Variants in STXBP5L observed in about 807,000 individuals in gnomAD.
STXBP5L encodes the protein syntaxin binding protein 5L.
A neutral mutation model predicts 144.5 loss-of-function variants in STXBP5L; 65 were observed. That is an observed-to-expected ratio of 0.45 (90% CI 0.37 to 0.55). STXBP5L has a LOEUF of 0.55. STXBP5L is among the 20% of genes least tolerant of loss of function. STXBP5L has a pLI of 0.00. For synonymous variants in STXBP5L, 505 were observed against 469.6 expected (o/e 1.08, Z -0.97); for missense variants, 1,298 against 1,405.5 (o/e 0.92, Z 1.22).
At chr3:121,322,804 T>C (rs2044019182) in intron 20 of STXBP5L, among the ~76,000 whole-genome samples, 1 of 152,198 alleles carries the variant, frequency 6.6e-6, no homozygotes, top group Admixed American at 6.5e-5. Flanking sequence ...TAATTTACAT[T>C]CCCATCAACA....
chr3:121,338,201 A>G (rs546403823), intron 20 of STXBP5L, among the ~76,000 whole-genome samples: 1 of 152,300 alleles, frequency 6.6e-6, no homozygotes, highest in Non-Finnish European at 1.5e-5. Flanking sequence ...GAAATTATAA[A>G]GATCAGAGCA....
At chr3:121,202,753 G>A (rs2048185307) in intron 9 of STXBP5L, among the ~76,000 whole-genome samples, 1 of 151,554 alleles carries the variant, frequency 6.6e-6, no homozygotes, top group Non-Finnish European at 1.5e-5. Flanking sequence ...AGCCTCCATT[G>A]TTTCTAAAAG....
intron 20 of STXBP5L, among the ~76,000 whole-genome samples, chr3:121,342,475 C>A (rs530052530): frequency 1.2e-3 from 189 of 151,328 alleles, no homozygotes; most frequent in Non-Finnish European, 2.4e-3. Flanking sequence ...TTAGGTATAT[C>A]TCCCACAGCT....
intron 9 of STXBP5L, among the ~76,000 whole-genome samples, chr3:121,192,520 C>T (rs1577172042): frequency 6.6e-6 from 1 of 152,168 alleles, no homozygotes; most frequent in Admixed American, 6.5e-5. Context: ...CCAAGACAAT[C>T]CAAAGCCAAA....
intron 9 of STXBP5L, among the ~76,000 whole-genome samples, chr3:121,191,533 GGGGAGAGGGAGA>G (rs139815854): frequency 0.012 from 1,855 of 152,184 alleles, 32 homozygotes; most frequent in African/African-American, 0.042. Flanking sequence ...ACTGTGCAAA[GGGGAGAGGGAGA>G]GGGAGAGGGA....
chr3:121,253,289 C>G (rs2050086484), intron 15 of STXBP5L, among the ~76,000 whole-genome samples: 1 of 151,588 alleles, frequency 6.6e-6, no homozygotes, highest in Admixed American at 6.6e-5. Flanking sequence ...TGGTTTATAC[C>G]TCTCAACCAG....
At chr3:121,316,182 G>A (rs2043782156) in intron 19 of STXBP5L, among the ~76,000 whole-genome samples, 1 of 152,066 alleles carries the variant, frequency 6.6e-6, no homozygotes, top group Non-Finnish European at 1.5e-5. Flanking sequence ...ATTTAATGAT[G>A]ATAATTATAA....
At chr3:120,935,367 T>C (rs1710208460) in intron 2 of STXBP5L, among the ~76,000 whole-genome samples, 1 of 151,966 alleles carries the variant, frequency 6.6e-6, no homozygotes, top group South Asian at 2.1e-4. Flanking sequence ...AAGTACATTG[T>C]TGCTATTACT....
chr3:121,302,862 C>T (rs1024443214), intron 19 of STXBP5L, among the ~76,000 whole-genome samples: 3 of 152,142 alleles, frequency 2.0e-5, no homozygotes, highest in African/African-American at 7.2e-5. Context: ...CTTCCTTACA[C>T]CTTATACAAA....
At chr3:121,064,074 A>T (rs1343550903) in intron 5 of STXBP5L, among the ~76,000 whole-genome samples, 1 of 152,100 alleles carries the variant, frequency 6.6e-6, no homozygotes, top group African/African-American at 2.4e-5. Context: ...TGTCTGCTCA[A>T]ATGGCTGCCA....
At chr3:121,166,138 C>T (rs1308133941) in intron 9 of STXBP5L, among the ~76,000 whole-genome samples, 1 of 152,030 alleles carries the variant, frequency 6.6e-6, no homozygotes, top group African/African-American at 2.4e-5. Flanking sequence ...TCCTGAGTAG[C>T]TGGGACTACA....
chr3:121,276,273 C>G (rs1387954815), intron 18 of STXBP5L, among the ~76,000 whole-genome samples: 1 of 151,852 alleles, frequency 6.6e-6, no homozygotes, highest in Non-Finnish European at 1.5e-5. Context: ...ATTTTAATAA[C>G]TTTACAACAG....
At chr3:121,273,436 A>AT (rs968142474) in intron 18 of STXBP5L, among the ~76,000 whole-genome samples, 9 of 151,238 alleles carry the variant, frequency 6.0e-5, no homozygotes, top group East Asian at 1.9e-4. Context: ...ACTGCTTTCA[A>AT]TTTTTTTTAA....
At chr3:120,975,755 AGTT>A (rs1245597013) in intron 3 of STXBP5L, among the ~76,000 whole-genome samples, 15 of 151,522 alleles carry the variant, frequency 9.9e-5, no homozygotes, top group African/African-American at 2.9e-4. Flanking sequence ...TAGCATGAAG[AGTT>A]GTTGAATTTT....
intron 11 of STXBP5L, among the ~76,000 whole-genome samples, chr3:121,230,097 A>G (rs1027270705): frequency 5.9e-5 from 9 of 152,258 alleles, no homozygotes; most frequent in Non-Finnish European, 1.0e-4. Flanking sequence ...TATTTATCCC[A>G]TTTACCTTTA....
chr3:121,332,566 A>G (rs1371354513), intron 20 of STXBP5L, among the ~76,000 whole-genome samples: 1 of 152,056 alleles, frequency 6.6e-6, no homozygotes, highest in African/African-American at 2.4e-5. Context: ...AACAAAAATA[A>G]AACAAAAATA....
intron 5 of STXBP5L, among the ~76,000 whole-genome samples, chr3:121,085,060 G>T (rs936687954): frequency 1.3e-5 from 2 of 152,022 alleles, no homozygotes; most frequent in East Asian, 3.9e-4. Flanking sequence ...GTTTGATGGG[G>T]TTGATGGTTT....
chr3:121,185,946 A>G (rs2108130557), intron 9 of STXBP5L, among the ~76,000 whole-genome samples: 1 of 152,212 alleles, frequency 6.6e-6, no homozygotes, highest in East Asian at 1.9e-4. Flanking sequence ...ATGTTCTTCC[A>G]TTTGTTTGTA....
At chr3:120,972,511 G>A (rs1357985865) in intron 3 of STXBP5L, among the ~76,000 whole-genome samples, 1 of 152,048 alleles carries the variant, frequency 6.6e-6, no homozygotes, top group African/African-American at 2.4e-5. Flanking sequence ...TATGTCATCA[G>A]TGAACAGAGA....
Sources: gnomAD v4.1 joint callset for allele counts (sites outside exome capture counted in the v4.1 genomes callset) on GRCh38, gnomAD v4.1.1 for gene constraint, MANE v1.5 for transcripts, NCBI Gene and HGNC (gene_info 2026-07-23, HGNC 2026-07-21) for gene names.